The following PLXNA3 variants were observed in gnomAD, a reference collection of about 807,000 sequenced individuals.
PLXNA3 encodes plexin A3, also known as plexin-A3.
Under a neutral mutation model 118.8 loss-of-function variants are expected in PLXNA3, and 52 were observed. That is an observed-to-expected ratio of 0.44 (90% CI 0.35 to 0.55). The LOEUF (loss-of-function observed/expected upper bound fraction) is 0.55. Among genes scored for constraint, PLXNA3 ranks in the 20% least tolerant of loss-of-function variants. PLXNA3 has a pLI of 0.01. For missense variants in PLXNA3, 1,660 were observed against 1,730.8 expected (o/e 0.96, Z 0.73); for synonymous variants, 925 against 762.4 (o/e 1.21, Z -3.51).
chrX:154,470,837 C>A, intron 30 of PLXNA3: 1 of 449,724 alleles, frequency 2.2e-6, no homozygotes, highest in Non-Finnish European at 3.8e-6. Flanking sequence ...GGCCTTTGCC[C>A]TCTGGGGTCT....
Position 154,461,471 on chromosome X carries a change from C to G in PLXNA3, c.967C>G (p.Gln323Glu), listed in dbSNP as rs1341031141. ...DEDVLFTIFS[Q>E]GQKNRASPPR... ...GGACGTCCTCTTCACCATCTTCTCT[C>G]AGGGCCAGAAGAACCGGGCCAGCCC... The change falls in exon 3 of 33, where the codon CAG (glutamine) becomes GAG (glutamate). Residue 323 changes from glutamine to glutamate, a missense_variant. Around this residue, in one of 2 missense-constraint regions of PLXNA3, gnomAD observed 791 missense variants for 652.1 expected, o/e 1.21. Coordinates refer to ENST00000369682, the MANE Select transcript of PLXNA3 (RefSeq NM_017514.5). 7.4e-6 allele frequency: 9 copies of G among 1,212,052 alleles called. No individual in the cohort carries two copies. The highest frequency in any genetic ancestry group is 8.9e-6 in the Non-Finnish European group (8 of 895,512).
rs188156047 is a variant in PLXNA3, at chrX:154,466,935, C to T, written c.3108-122C>T. 5,328 of 850,458 alleles carry T rather than the reference C, an allele frequency of 6.3e-3. 21 individuals are homozygous for T. Among genetic ancestry groups the T allele is most frequent in the Non-Finnish European group, 7.7e-3 (4,556 of 592,123 alleles). 70.1% of individuals were successfully genotyped at this position (850,458 alleles called of 1,213,427 possible). The stretch of plus-strand genomic sequence containing the variant: ...GGAGCTGTCCTGGCTGCACAGTACC[C>T]GGCACCCACTAGGCGATCCAGGGTC... On this transcript the variant is annotated intron_variant, in intron 17 of 32. Coordinates refer to ENST00000369682, the MANE Select transcript of PLXNA3 (RefSeq NM_017514.5).
chrX:154,471,315 G>C lies in PLXNA3; in HGVS notation c.5367G>C (p.Glu1789Asp). The change falls in exon 31 of 33, where the codon GAG becomes GAC. Residue 1789 changes from glutamate to aspartate, a missense_variant and splice_region_variant. Around this residue, in one of 2 missense-constraint regions of PLXNA3, gnomAD observed 869 missense variants for 1,078.7 expected, o/e 0.81. Transcript: ENST00000369682. The stretch of plus-strand genomic sequence containing the variant: ...TCCCCAACTACAAGAGCTGGGTGGA[G>C]AGGTGGGCTCCGCCCTGCTGTGGGT... ...KDIPNYKSWV[E>D]RYYRDIAKMA... The C allele has an allele frequency of 8.3e-7, 1 of 1,208,684 alleles. No homozygotes were observed.
At position 154,467,478 on chromosome X, in the gene PLXNA3, G is replaced by A; in HGVS notation, c.3441+7G>A. On this transcript the variant is annotated splice_region_variant and intron_variant, in intron 19 of 32. Transcript: ENST00000369682. ...CTCCCACGTGGTGCTGAAGGTGCGG[G>A]CGGGGTGGGGGCGGGGAGGGGCGGG... 8.6e-7 allele frequency: 1 copy of A among 1,161,021 alleles called. No homozygotes were observed. Among genetic ancestry groups the A allele is most frequent in the Non-Finnish European group, 1.1e-6 (1 of 872,271 alleles).
In PLXNA3 at chrX:154,476,411, C is replaced by T. The variant is rs1170834081; in HGVS notation, c.*3726C>T. ...AGTGGAGGTTGCGGTGAGCCAAGAT[C>T]GCACCATTGCACTCCAGCCTGGGCA... On this transcript the variant is annotated 3_prime_UTR_variant, in exon 33 of 33. Transcript: ENST00000369682. The T allele has an allele frequency of 2.9e-5, 3 of 103,273 alleles. No homozygotes were observed. Among genetic ancestry groups the T allele is most frequent in the Admixed American group, 1.1e-4 (1 of 9,446 alleles). The allele number at this position is 103,273 out of a possible 1,213,427, so 8.5% of individuals were successfully genotyped here. A position where few individuals can be genotyped will look rare whatever the true frequency, so the allele number is the denominator to read the frequency against.
Position 154,460,487 on chromosome X carries a change from A to G in PLXNA3, c.304A>G (p.Ile102Val). 1 of 1,209,502 alleles carries G rather than the reference A, an allele frequency of 8.3e-7. No individual in the cohort carries two copies. Among genetic ancestry groups the G allele is most frequent in the Non-Finnish European group, 1.1e-6 (1 of 894,374 alleles). ...PVDNINKLLL[I>V]DYAARRLVAC... ...GGACAACATCAACAAGCTGCTGCTC[A>G]TAGACTATGCGGCCCGCCGCCTGGT... Residue 102 changes from isoleucine (I) to valine (V), a missense_variant, in exon 2 of 33, where the codon ATA becomes GTA. Ile to Val is a conservative substitution (Grantham distance 29). Around this residue, in one of 2 missense-constraint regions of PLXNA3, gnomAD observed 791 missense variants for 652.1 expected, o/e 1.21. Transcript: ENST00000369682.
intron 1 of PLXNA3, among the ~76,000 whole-genome samples, chrX:154,459,918 C>T (rs1300469753): frequency 8.8e-6 from 1 of 113,212 alleles, no homozygotes; most frequent in African/African-American, 3.2e-5. Flanking sequence ...TGCTCTGCTA[C>T]CCCCTTGGGT....
intron 29 of PLXNA3, 135 bp from the exon 30 acceptor site, chrX:154,470,307 C>T (rs1569554712): frequency 1.4e-5 from 13 of 918,743 alleles, no homozygotes; most frequent in East Asian, 3.2e-5. Flanking sequence ...AGATAAAGGC[C>T]ATGTCTGTCT....
intron 32 of PLXNA3, among the ~76,000 whole-genome samples, chrX:154,472,280 C>T (rs1320660651): frequency 4.5e-5 from 5 of 110,830 alleles, no homozygotes; most frequent in African/African-American, 1.6e-4. Flanking sequence ...TGGCGAGGGT[C>T]ACGGGGTCCT....
chrX:154,475,738 A>T lies in PLXNA3; in HGVS notation c.*3053A>T, dbSNP rs1292993517. 8.9e-6 allele frequency: 1 copy of T among 112,478 alleles called. No homozygotes were observed. The highest frequency in any genetic ancestry group is 1.9e-5 in the Non-Finnish European group (1 of 53,277). 9.3% of individuals were successfully genotyped at this position (112,478 alleles called of 1,213,427 possible). A position where few individuals can be genotyped will look rare whatever the true frequency, so the allele number is the denominator to read the frequency against. ...GGACAGAGGACAGAGGATAAGGGAG[A>T]TGGTTGAAAATACTACCATCATATG... is the stretch of plus-strand genomic sequence containing the variant. On this transcript the variant is annotated 3_prime_UTR_variant, in exon 33 of 33. Transcript: ENST00000369682.
In PLXNA3 at chrX:154,468,134, G is replaced by A; in HGVS notation, c.3873G>A (p.Glu1291=). 1 of 1,194,056 alleles carries A rather than the reference G, an allele frequency of 8.4e-7. No homozygotes were observed. The highest frequency in any genetic ancestry group is 1.1e-6 in the Non-Finnish European group (1 of 885,443). ...ATGAGCTGACTAACCACATGGACGA[G>A]GTGCAGATCCCCTTCCTGGACTACC... ...DINELTNHMD[E]VQIPFLDYRT... Residue 1291 remains glutamate, a synonymous_variant, in exon 22 of 33, where the codon GAG becomes GAA. Coordinates refer to ENST00000369682, the MANE Select transcript of PLXNA3 (RefSeq NM_017514.5).
At chrX:154,469,237 C>T in intron 26 of PLXNA3, 22 bp downstream of exon 26, 3 of 1,202,384 alleles carry the variant, frequency 2.5e-6, no homozygotes, top group Non-Finnish European at 3.4e-6. Flanking sequence ...ACCCTCTCCT[C>T]CTGGCTCCCA....
At chrX:154,472,145 C>G (rs782205803) in intron 32 of PLXNA3, among the ~76,000 whole-genome samples, 1 of 110,985 alleles carries the variant, frequency 9.0e-6, no homozygotes, top group Non-Finnish European at 1.9e-5. Context: ...CTGAGAGCGC[C>G]TGGTGGGGTC....
Position 154,466,277 on chromosome X carries a change from G to A in PLXNA3, c.2799+7G>A. On this transcript the variant is annotated splice_region_variant and intron_variant, in intron 15 of 32. Coordinates refer to ENST00000369682, the MANE Select transcript of PLXNA3 (RefSeq NM_017514.5). ...GCAGGTCTACAGCTTTGTGGTGCGT[G>A]GCTGCCGGCCCTACCCCTTCCTGTC... 8.3e-7 allele frequency: 1 copy of A among 1,209,560 alleles called. No individual in the cohort carries two copies. Among genetic ancestry groups the A allele is most frequent in the Non-Finnish European group, 1.1e-6 (1 of 895,403 alleles).
intron 1 of PLXNA3, among the ~76,000 whole-genome samples, chrX:154,459,815 T>G (rs1293813269): frequency 8.8e-6 from 1 of 113,031 alleles, no homozygotes; most frequent in East Asian, 2.8e-4. Context: ...GCTCAGGCGT[T>G]GGGGGCAGCC....
chrX:154,465,309 T>G, intron 11 of PLXNA3, 91 bp downstream of exon 11: 2 of 1,042,785 alleles, frequency 1.9e-6, no homozygotes, highest in Non-Finnish European at 2.7e-6. Context: ...GGCAGGGAAC[T>G]GTCTGAGTCT....
In PLXNA3 at chrX:154,471,655, C is replaced by T. The variant is rs782202614; in HGVS notation, c.5520+17C>T. 3.4e-6 allele frequency: 4 copies of T among 1,190,142 alleles called. No individual in the cohort carries two copies. Among genetic ancestry groups the T allele is most frequent in the African/African-American group, 1.7e-5 (1 of 57,569 alleles). ...CGCCAGGAGGTGTGTGTCATCCCCA[C>T]AGACTCCCAGTTACTTGGTCCTGAA... is the stretch of plus-strand genomic sequence containing the variant. On this transcript the variant is annotated intron_variant, in intron 32 of 32. Transcript: ENST00000369682.
At chrX:154,469,897 C>G in intron 28 of PLXNA3, 80 bp from the exon 29 acceptor site, 1 of 1,131,757 alleles carries the variant, frequency 8.8e-7, no homozygotes, top group Middle Eastern at 2.4e-4. Flanking sequence ...CAGATGGGTC[C>G]CCACATGCTG....
chrX:154,462,328 G>T lies in PLXNA3; in HGVS notation c.1317+18G>T, dbSNP rs782154500. 1.5e-5 allele frequency: 17 copies of T among 1,102,290 alleles called. No homozygotes were observed. The highest frequency in any genetic ancestry group is 2.0e-5 in the Non-Finnish European group (17 of 833,369). 90.8% of individuals were successfully genotyped at this position (1,102,290 alleles called of 1,213,427 possible). A position where few individuals can be genotyped will look rare whatever the true frequency, so the allele number is the denominator to read the frequency against. On this transcript the variant is annotated intron_variant, in intron 4 of 32. Coordinates refer to ENST00000369682, the MANE Select transcript of PLXNA3 (RefSeq NM_017514.5). ...TGAAGAAGGTGGCCCCCAGAGCCCT[G>T]GGCATGTGGGGGTGGGGACAGTCTC...
Sources: allele counts gnomAD v4.1 joint callset (sites outside exome capture counted in the v4.1 genomes callset), GRCh38; gene constraint gnomAD v4.1.1; regional missense constraint gnomAD v4.1.1; transcripts MANE v1.5; gene names NCBI Gene and HGNC (gene_info 2026-07-23, HGNC 2026-07-21).